The following SRD5A3 variants were observed in gnomAD, a reference collection of about 807,000 sequenced individuals.
The protein encoded by SRD5A3 is steroid 5 alpha-reductase 3, also known as polyprenal reductase.
SRD5A3 carries 24 observed loss-of-function variants against 34.3 expected under a neutral mutation model. That is an observed-to-expected ratio of 0.70 (90% CI 0.51 to 0.99). The LOEUF is 0.99. SRD5A3 is among the 50% of genes least tolerant of loss of function. The pLI, the probability that SRD5A3 is intolerant of heterozygous loss-of-function variation, is 0.00. For missense variants in SRD5A3, 350 were observed against 388.2 expected (o/e 0.90, Z 0.83); for synonymous variants, 161 against 167.3 (o/e 0.96, Z 0.29).
chr4:55,359,272 A>G (rs930617251), intron 1 of SRD5A3, 74 bp from the exon 2 acceptor site: 4 of 1,595,710 alleles, frequency 2.5e-6, no homozygotes, highest in South Asian at 2.2e-5. Context: ...CAGAGAAACT[A>G]AAAATAATCT....
chr4:55,360,254 C>A (rs1036535354), intron 2 of SRD5A3, among the ~76,000 whole-genome samples: 5 of 148,770 alleles, frequency 3.4e-5, no homozygotes, highest in Non-Finnish European at 5.9e-5. Context: ...TACCTGTAAT[C>A]CCAGCACTTT....
chr4:55,363,320 A>C (rs2109479156), intron 2 of SRD5A3, among the ~76,000 whole-genome samples: 1 of 152,236 alleles, frequency 6.6e-6, no homozygotes, highest in East Asian at 1.9e-4. Context: ...CTATAGTTCT[A>C]GCCACTCAGG....
chr4:55,362,288 C>G (rs891539263), intron 2 of SRD5A3, among the ~76,000 whole-genome samples: 32 of 151,704 alleles, frequency 2.1e-4, no homozygotes, highest in African/African-American at 7.7e-4. Flanking sequence ...CCACCATGCC[C>G]GGCTAATTTT....
intron 2 of SRD5A3, among the ~76,000 whole-genome samples, chr4:55,360,750 G>A (rs1486067417): frequency 1.4e-5 from 2 of 147,504 alleles, no homozygotes; most frequent in Non-Finnish European, 1.5e-5. Context: ...GTGCAATGGT[G>A]CAATCTTGGC....
chr4:55,358,989 C>G (rs756798132), intron 1 of SRD5A3: 8 of 277,746 alleles, frequency 2.9e-5, no homozygotes, highest in Non-Finnish European at 7.0e-6. Context: ...TGTTTTAGCA[C>G]AGTCTAGGTT....
intron 2 of SRD5A3, among the ~76,000 whole-genome samples, chr4:55,362,206 C>T (rs7356345): frequency 0.03 from 4,521 of 151,538 alleles, 59 homozygotes; most frequent in Non-Finnish European, 0.035. Context: ...CAGCTCACCA[C>T]AACCTACCCC....
At position 55,346,446 on chromosome 4, in the gene SRD5A3, C is replaced by T. The variant is rs199975696; in HGVS notation, c.110C>T (p.Pro37Leu). Reference sequence around the variant, plus strand: ...ACCCTACTGCTGCAGCTCCTGCCGCCCGGCCTGCTCCCGGGCTGCGCGATC... The same window carrying T: ...ACCCTACTGCTGCAGCTCCTGCCGCTCGGCCTGCTCCCGGGCTGCGCGATC... ...LLTLLLQLLP[P>L]GLLPGCAIFQ... Residue 37 changes from proline (P) to leucine (L), a missense_variant, in exon 1 of 5, where the codon CCC (proline) becomes CTC (leucine). By Grantham distance (98) the Pro-to-Leu change is moderately conservative. This residue lies in a region of SRD5A3 where 159 missense variants were observed against 149.1 expected (regional missense o/e 1.07). Coordinates refer to ENST00000264228, the MANE Select transcript of SRD5A3 (RefSeq NM_024592.5). The T allele has an allele frequency of 1.8e-4, 289 of 1,606,870 alleles. No homozygotes were observed. In the African/African-American group the frequency reaches 3.6e-3, roughly 20 times the overall value.
At chr4:55,351,953 A>T in intron 1 of SRD5A3, 1 of 738,048 alleles carries the variant, frequency 1.4e-6, no homozygotes, top group South Asian at 1.4e-5. Context: ...TATAAAACTT[A>T]TGCTGAATTA....
Position 55,363,459 on chromosome 4 carries a change from A to G in SRD5A3, c.365-615A>G, listed in dbSNP as rs542502595. Among the ~76,000 whole-genome samples the G allele has an allele frequency of 2.0e-5, 3 of 152,216 alleles. No individual in the cohort carries two copies. In the South Asian group the frequency reaches 6.2e-4, roughly 32 times the overall value. Reference sequence around the variant, plus strand: ...AAAAATAAAGAAGTTGACACATAAAATTAACCAAAAAATAAAAAACAAAAA... The same window carrying G: ...AAAAATAAAGAAGTTGACACATAAAGTTAACCAAAAAATAAAAAACAAAAA... On this transcript the variant is annotated intron_variant, in intron 2 of 4. Transcript: ENST00000264228.
chr4:55,369,750 C>A, intron 4 of SRD5A3, 82 bp from the exon 5 acceptor site: 19 of 1,496,914 alleles, frequency 1.3e-5, no homozygotes, highest in South Asian at 2.4e-5. Flanking sequence ...AAAAAAAATT[C>A]TGTAAATGAT....
At chr4:55,363,909 T>C in intron 2 of SRD5A3, 165 bp from the exon 3 acceptor site, 1 of 732,782 alleles carries the variant, frequency 1.4e-6, no homozygotes, top group Non-Finnish European at 2.4e-6. Flanking sequence ...ACTGTGTAAT[T>C]TGAGTGAAGT....
At chr4:55,353,655 G>A (rs187014859) in intron 1 of SRD5A3, among the ~76,000 whole-genome samples, 54 of 152,240 alleles carry the variant, frequency 3.5e-4, no homozygotes, top group African/African-American at 1.3e-3. Context: ...GAAGGTCTGC[G>A]GCTTCACTCC....
chr4:55,363,973 T>C (rs1719780836), intron 2 of SRD5A3, 101 bp from the exon 3 acceptor site: 1 of 1,203,280 alleles, frequency 8.3e-7, no homozygotes, highest in East Asian at 2.3e-5. Flanking sequence ...AAAAGAAAGA[T>C]GTTAGATGGG....
intron 1 of SRD5A3, among the ~76,000 whole-genome samples, chr4:55,354,620 C>A (rs1232570610): frequency 2.0e-5 from 3 of 152,144 alleles, no homozygotes; most frequent in Admixed American, 2.0e-4. Flanking sequence ...AAAGGCCTTT[C>A]CCCAGATAGC....
rs752752075 is a variant in SRD5A3 at position 55,359,473 on chromosome 4, G to C, written c.349G>C (p.Ala117Pro). 3 of 1,614,014 alleles carry C rather than the reference G, an allele frequency of 1.9e-6. No homozygotes were observed. The highest frequency in any genetic ancestry group is 2.5e-6 in the Non-Finnish European group (3 of 1,180,002). Residue 117 changes from alanine to proline, a missense_variant, in exon 2 of 5, where the codon GCG (alanine) becomes CCG (proline). Around this residue, in one of 3 missense-constraint regions of SRD5A3, gnomAD observed 159 missense variants for 149.1 expected, o/e 1.07. Transcript: ENST00000264228. ...TCATGGTTTGCTCAGAATTCTCGGGGCGGCACAGTTCCAGGGTAAGGACTC... is the reference window on the plus strand; with the variant it reads ...TCATGGTTTGCTCAGAATTCTCGGGCCGGCACAGTTCCAGGGTAAGGACTC... ...WLHGLLRILG[A>P]AQFQGGELAL...
chr4:55,354,744 C>T (rs1405487559), intron 1 of SRD5A3, among the ~76,000 whole-genome samples: 1 of 152,246 alleles, frequency 6.6e-6, no homozygotes, highest in Non-Finnish European at 1.5e-5. Flanking sequence ...AGCATTCCTC[C>T]TTCCTCTTTT....
At chr4:55,358,392 A>G (rs1719549691) in intron 1 of SRD5A3, among the ~76,000 whole-genome samples, 1 of 151,978 alleles carries the variant, frequency 6.6e-6, no homozygotes, top group Non-Finnish European at 1.5e-5. Flanking sequence ...TTAGCCAGGC[A>G]TGGTGGACTA....
At chr4:55,347,845 T>C (rs557567158) in intron 1 of SRD5A3, among the ~76,000 whole-genome samples, 1 of 152,254 alleles carries the variant, frequency 6.6e-6, no homozygotes, top group East Asian at 1.9e-4. Context: ...AGGGAAGAAG[T>C]AGAAGTACAT....
chr4:55,356,917 A>G (rs1578205202), intron 1 of SRD5A3, among the ~76,000 whole-genome samples: 1 of 151,118 alleles, frequency 6.6e-6, no homozygotes, highest in South Asian at 2.1e-4. Flanking sequence ...TCCTCTCCCC[A>G]CTCCTGCCTC....
Sources: allele counts gnomAD v4.1 joint callset (sites outside exome capture counted in the v4.1 genomes callset), GRCh38; gene constraint gnomAD v4.1.1; regional missense constraint gnomAD v4.1.1; transcripts MANE v1.5; gene names NCBI Gene and HGNC (gene_info 2026-07-23, HGNC 2026-07-21).